The following CA14 variants were observed in gnomAD, a reference collection of about 807,000 sequenced individuals.
CA14 encodes the protein CA-XIV.
CA14 carries 44 observed loss-of-function variants against 48.8 expected under a neutral mutation model. That is an observed-to-expected ratio of 0.90 (90% CI 0.71 to 1.16). CA14 has a LOEUF of 1.16. Among genes scored for constraint, CA14 ranks in the 50% most tolerant of loss-of-function variants. CA14 has a pLI of 0.00. For synonymous variants in CA14, 154 were observed against 155.0 expected (o/e 0.99, Z 0.05); for missense variants, 386 against 401.0 (o/e 0.96, Z 0.32).
At position 150,264,885 on chromosome 1, in the gene CA14, G is replaced by C; in HGVS notation, c.*226G>C. 2.4e-6 allele frequency: 1 copy of C among 424,964 alleles called. No individual in the cohort carries two copies. The highest frequency in any genetic ancestry group is 4.0e-5 in the Admixed American group (1 of 25,086). 26.3% of individuals were successfully genotyped at this position (424,964 alleles called of 1,614,324 possible). On this transcript the variant is annotated 3_prime_UTR_variant, in exon 11 of 11. Coordinates refer to ENST00000369111, the MANE Select transcript of CA14 (RefSeq NM_012113.3). ...TGTAGGAGGAAATGAGGAAATCGCT[G>C]TGTTGTTAATGCAGAGAACAAACTC...
At chr1:150,264,385 C>T (rs1327572557) in intron 10 of CA14, among the ~76,000 whole-genome samples, 1 of 149,848 alleles carries the variant, frequency 6.7e-6, no homozygotes, top group Admixed American at 6.6e-5. Flanking sequence ...GTATTTTTAG[C>T]AGAGACGGGT....
chr1:150,260,263 C>G lies in CA14; in HGVS notation c.76+92C>G, dbSNP rs146911346. ...ACACTGTGCGGGTGGGAGGAGACTTCCTTTACCTTCTCACCCTAGCTCCTC... is the reference window on the plus strand; with the variant it reads ...ACACTGTGCGGGTGGGAGGAGACTTGCTTTACCTTCTCACCCTAGCTCCTC... On this transcript the variant is annotated intron_variant, in intron 2 of 10. Coordinates refer to ENST00000369111, the MANE Select transcript of CA14 (RefSeq NM_012113.3). 24 of 1,244,646 alleles carry G rather than the reference C, an allele frequency of 1.9e-5. No individual in the cohort carries two copies. The African/African-American group carries it at 3.5e-4, about 18-fold the overall frequency. 77.1% of individuals were successfully genotyped at this position (1,244,646 alleles called of 1,614,324 possible). A position where few individuals can be genotyped will look rare whatever the true frequency, so the allele number is the denominator to read the frequency against.
At chr1:150,263,549 C>A (rs1651289312) in intron 8 of CA14, 110 bp from the exon 9 acceptor site, 7 of 1,610,200 alleles carry the variant, frequency 4.3e-6, no homozygotes, top group Non-Finnish European at 5.9e-6. Context: ...GGAACCAACC[C>A]CCACCCCAGG....
Position 150,261,548 on chromosome 1 carries a change from A to AC in CA14, c.167dup (p.Phe57IlefsTer2), listed in dbSNP as rs1651032938. Reference sequence around the variant, plus strand: ...CATCGATATTCAGACAGACAGTGTGACATTTGACCCTGATTTGCCTGCTCT... The same window carrying AC: ...CATCGATATTCAGACAGACAGTGTGACCATTTGACCCTGATTTGCCTGCTCT... On this transcript the variant is annotated frameshift_variant, in exon 3 of 11. Coordinates refer to ENST00000369111, the MANE Select transcript of CA14 (RefSeq NM_012113.3). LOFTEE classifies it high-confidence loss of function. 6.2e-7 allele frequency: 1 copy of AC among 1,614,166 alleles called. No individual in the cohort carries two copies. The highest frequency in any genetic ancestry group is 1.1e-5 in the South Asian group (1 of 91,082).
rs190407624 is a variant in CA14 at position 150,260,432 on chromosome 1, A to T, written c.76+261A>T. On this transcript the variant is annotated intron_variant, in intron 2 of 10. Coordinates refer to ENST00000369111, the MANE Select transcript of CA14 (RefSeq NM_012113.3). Reference sequence around the variant, plus strand: ...TGTAGGAGTGAGGGAGCTGGGGTGGAAAGGAAGCTGGGTGGGAACTCTGAG... The same window carrying T: ...TGTAGGAGTGAGGGAGCTGGGGTGGTAAGGAAGCTGGGTGGGAACTCTGAG... The T allele has an allele frequency of 3.3e-4, 183 of 558,664 alleles. 1 individual carries two copies. The Admixed American group carries it at 4.9e-3, about 15-fold the overall frequency. 34.6% of individuals were successfully genotyped at this position (558,664 alleles called of 1,614,324 possible). A position where few individuals can be genotyped will look rare whatever the true frequency, so the allele number is the denominator to read the frequency against.
Position 150,263,027 on chromosome 1 carries a change from G to C in CA14, c.563-15G>C, listed in dbSNP as rs1553848260. ...CACACTGAAAGGAAGATGAGTCCCA[G>C]TCTGTTCTCCCCAGATCAGAAGACC... On this transcript the variant is annotated splice_polypyrimidine_tract_variant and intron_variant, in intron 6 of 10. Transcript: ENST00000369111. The C allele has an allele frequency of 6.2e-7, 1 of 1,613,678 alleles. No homozygotes were observed. Among genetic ancestry groups the C allele is most frequent in the Non-Finnish European group, 8.5e-7 (1 of 1,179,702 alleles).
At position 150,262,318 on chromosome 1, in the gene CA14, GC is replaced by G; in HGVS notation, c.399+19del. ...TTGCAGAGGTACCAGGGAACAAAGAGCTGGGACTCAGACAAAGTAACAGGGA... is the reference window on the plus strand; with the variant it reads ...TTGCAGAGGTACCAGGGAACAAAGAGTGGGACTCAGACAAAGTAACAGGGA... On this transcript the variant is annotated intron_variant, in intron 4 of 10. Transcript: ENST00000369111. 1 of 1,583,630 alleles carries G rather than the reference GC, an allele frequency of 6.3e-7. No homozygotes were observed. Among genetic ancestry groups the G allele is most frequent in the African/African-American group, 1.3e-5 (1 of 74,208 alleles).
Position 150,262,194 on chromosome 1 carries a change from G to C in CA14, c.293G>C (p.Gly98Ala), listed in dbSNP as rs1272593325. The C allele has an allele frequency of 3.1e-6, 5 of 1,614,044 alleles. No homozygotes were observed. In the African/African-American group the frequency reaches 6.7e-5, roughly 22 times the overall value. ...CTGCCCTCTACCCTGTATCTGGGTG[G>C]ACTTCCCCGAAAATATGTAGCTGCC... Reference protein sequence around the residue: ...LSLPSTLYLGGLPRKYVAAQL... With the variant: ...LSLPSTLYLGALPRKYVAAQL... Residue 98 changes from glycine to alanine, a missense_variant, in exon 4 of 11, where the codon GGA (glycine) becomes GCA (alanine). Transcript: ENST00000369111.
intron 10 of CA14, 37 bp downstream of exon 10, chr1:150,263,915 C>CTTA: frequency 1.2e-6 from 1 of 859,890 alleles, no homozygotes; most frequent in Non-Finnish European, 1.7e-6. Context: ...GTCCCTTCTT[C>CTTA]TTTTTTTTTT....
In CA14 at chr1:150,263,075, G is replaced by A. The variant is rs782776922; in HGVS notation, c.596G>A (p.Arg199Lys). 7 of 1,614,032 alleles carry A rather than the reference G, an allele frequency of 4.3e-6. No homozygotes were observed. The highest frequency in any genetic ancestry group is 2.7e-5 in the African/African-American group (2 of 74,916). ...QKTSVPPFNL[R>K]ELLPKQLGQY... ...ACCTCAGTGCCTCCCTTCAACCTAA[G>A]AGAGCTGCTCCCCAAACAGCTGGGG... The change falls in exon 7 of 11, where the codon AGA (arginine) becomes AAA (lysine). Residue 199 changes from arginine to lysine, a missense_variant. Arg to Lys is a conservative substitution (Grantham distance 26). Coordinates refer to ENST00000369111, the MANE Select transcript of CA14 (RefSeq NM_012113.3).
Position 150,261,634 on chromosome 1 carries a change from C to A in CA14, c.252C>A (p.His84Gln), listed in dbSNP as rs1553847876. 2 of 1,613,540 alleles carry A rather than the reference C, an allele frequency of 1.2e-6. No homozygotes were observed. The highest frequency in any genetic ancestry group is 1.3e-5 in the African/African-American group (1 of 74,924). ...CTTTGGACCTGCACAACAATGGCCACACAGGTAAAAGCACAGGCTCCAAGG... is the reference window on the plus strand; with the variant it reads ...CTTTGGACCTGCACAACAATGGCCAAACAGGTAAAAGCACAGGCTCCAAGG... ...TEPLDLHNNG[H>Q]TVQLSLPSTL... is the part of the protein sequence containing the mutation. The change falls in exon 3 of 11, where the codon CAC becomes CAA. Residue 84 changes from histidine to glutamine, a missense_variant. His to Gln is a conservative substitution (Grantham distance 24). Coordinates refer to ENST00000369111, the MANE Select transcript of CA14 (RefSeq NM_012113.3).
At chr1:150,260,754 ATTTT>A in intron 2 of CA14, 8 of 136,360 alleles carry the variant, frequency 5.9e-5, no homozygotes, top group South Asian at 4.2e-4. Context: ...TCTCTAGGTT[ATTTT>A]TTTTTTTTTT....
In CA14 at chr1:150,263,781, T is replaced by C; in HGVS notation, c.863-13T>C. 6.2e-7 allele frequency: 1 copy of C among 1,613,560 alleles called. No homozygotes were observed. The highest frequency in any genetic ancestry group is 8.5e-7 in the Non-Finnish European group (1 of 1,179,474). On this transcript the variant is annotated splice_polypyrimidine_tract_variant and intron_variant, in intron 9 of 10. Transcript: ENST00000369111. The stretch of plus-strand genomic sequence containing the variant: ...AGTCCTAGGCTGACACCTTTTACCT[T>C]TATCTCCCCCAGGTGAAATGCTGAG...
chr1:150,258,309 G>A (rs2101824740), intron 1 of CA14, 126 bp downstream of exon 1: 4 of 637,658 alleles, frequency 6.3e-6, no homozygotes, highest in Admixed American at 2.9e-5. Context: ...TCAGAGATGA[G>A]GAAAAAAGAG....
chr1:150,262,120 A>G, intron 3 of CA14, 38 bp from the exon 4 acceptor site: 4 of 1,613,546 alleles, frequency 2.5e-6, no homozygotes, highest in Non-Finnish European at 2.5e-6. Context: ...ATGTATCCAC[A>G]TGCCTCCACC....
intron 10 of CA14, 68 bp downstream of exon 10, chr1:150,263,946 C>T (rs1252962162): frequency 6.9e-5 from 73 of 1,053,526 alleles, no homozygotes; most frequent in Non-Finnish European, 9.3e-5. Flanking sequence ...AGGTGGGAGA[C>T]GGAGTCTTGC....
chr1:150,263,620 G>T (rs782328100), intron 8 of CA14, 39 bp from the exon 9 acceptor site: 8 of 1,613,022 alleles, frequency 5.0e-6, no homozygotes, highest in Non-Finnish European at 6.8e-6. Context: ...GCTGGGATGG[G>T]GATCTGAAGT....
rs782309982 is a variant in CA14 at position 150,258,202 on chromosome 1, C to G, written c.55+19C>G. On this transcript the variant is annotated intron_variant, in intron 1 of 10. Transcript: ENST00000369111. ...GATGGGGGTAGGTACAACTAAATGT[C>G]TGTGTGTGGATTTGTGCTGATGTTC... 26 of 1,604,568 alleles carry G rather than the reference C, an allele frequency of 1.6e-5. No homozygotes were observed. Among genetic ancestry groups the G allele is most frequent in the Non-Finnish European group, 2.0e-5 (24 of 1,173,248 alleles).
chr1:150,262,053 GA>G, intron 3 of CA14, 104 bp from the exon 4 acceptor site: 1 of 1,336,452 alleles, frequency 7.5e-7, no homozygotes, highest in Non-Finnish European at 1.1e-6. Flanking sequence ...GCTACTGGGG[GA>G]GAAAACTGGA....
Sources: allele counts gnomAD v4.1 joint callset (sites outside exome capture counted in the v4.1 genomes callset), GRCh38; gene constraint gnomAD v4.1.1; transcripts MANE v1.5; gene names NCBI Gene and HGNC (gene_info 2026-07-23, HGNC 2026-07-21).